SYN2: variants seen among roughly 807,000 people sequenced by gnomAD.
SYN2 encodes synapsin-2.
In SYN2, 19 loss-of-function variants were observed where a neutral mutation model predicts 50.9. The ratio of observed to expected loss-of-function variants is 0.37; its 90% CI spans 0.26 to 0.55. The LOEUF (loss-of-function observed/expected upper bound fraction) is 0.55. SYN2 is among the 20% of genes least tolerant of loss of function. SYN2 has a pLI of 0.81. For synonymous variants in SYN2, 255 were observed against 224.9 expected (o/e 1.13, Z -1.20); for missense variants, 587 against 576.4 (o/e 1.02, Z -0.19).
chr3:12,068,366 C>T (rs1695267340), intron 1 of SYN2, among the ~76,000 whole-genome samples: 1 of 152,298 alleles, frequency 6.6e-6, no homozygotes, highest in African/African-American at 2.4e-5. Flanking sequence ...CACTTTGATT[C>T]CTAATCTTTT....
intron 10 of SYN2, among the ~76,000 whole-genome samples, chr3:12,182,068 A>C (rs972255368): frequency 6.6e-6 from 1 of 152,228 alleles, no homozygotes; most frequent in African/African-American, 2.4e-5. Context: ...AAATCCTCTC[A>C]GTAGAACAGT....
At chr3:12,154,360 C>G (rs1574972095) in intron 5 of SYN2, 2 of 1,614,218 alleles carry the variant, frequency 1.2e-6, no homozygotes, top group East Asian at 4.5e-5. Flanking sequence ...AGTGATGATT[C>G]AGACTTTCCC....
chr3:12,152,615 C>A (rs1036378721), intron 5 of SYN2, among the ~76,000 whole-genome samples: 1 of 152,146 alleles, frequency 6.6e-6, no homozygotes, highest in Non-Finnish European at 1.5e-5. Context: ...TATTTCTCTC[C>A]GGTGCTCTAT....
intron 1 of SYN2, among the ~76,000 whole-genome samples, chr3:12,062,935 T>C (rs1487070901): frequency 1.3e-5 from 2 of 151,972 alleles, no homozygotes; most frequent in African/African-American, 4.8e-5. Context: ...CAAAAAGACA[T>C]GGATGAATCT....
At chr3:12,095,640 C>T (rs1448235180) in intron 1 of SYN2, among the ~76,000 whole-genome samples, 1 of 141,704 alleles carries the variant, frequency 7.1e-6, no homozygotes, top group Non-Finnish European at 1.5e-5. Flanking sequence ...CTTGTTCTGT[C>T]GCCATCATTC....
intron 11 of SYN2, chr3:12,183,611 C>T: frequency 6.9e-7 from 1 of 1,455,446 alleles, no homozygotes. Context: ...GGTTGTTTAC[C>T]TGTTCCTGTT....
intron 1 of SYN2, among the ~76,000 whole-genome samples, chr3:12,100,647 T>A (rs1366846069): frequency 6.6e-6 from 1 of 152,182 alleles, no homozygotes; most frequent in African/African-American, 2.4e-5. Context: ...TGAAATTATG[T>A]TCTTCATGGG....
chr3:12,040,701 T>C (rs1694593043), intron 1 of SYN2, among the ~76,000 whole-genome samples: 1 of 152,154 alleles, frequency 6.6e-6, no homozygotes, highest in African/African-American at 2.4e-5. Flanking sequence ...TTTATAACTT[T>C]CATATATATC....
chr3:12,105,269 T>G (rs1197407870), intron 1 of SYN2, among the ~76,000 whole-genome samples: 1 of 152,048 alleles, frequency 6.6e-6, no homozygotes, highest in African/African-American at 2.4e-5. Context: ...GCAGAACCTT[T>G]TCTTCAGCAT....
rs536589950 is a variant in SYN2 at position 12,004,471 on chromosome 3, C to T, written c.-81C>T. On this transcript the variant is annotated 5_prime_UTR_variant, in exon 1 of 13. Transcript: ENST00000621198. Reference sequence around the variant, plus strand: ...CCGCCGCCTCAGCCGCCTCAGTCGCCTCAATCTCGCCTTCCGCCCTCGCTC... The same window carrying T: ...CCGCCGCCTCAGCCGCCTCAGTCGCTTCAATCTCGCCTTCCGCCCTCGCTC... 5.5e-6 allele frequency: 2 copies of T among 362,850 alleles called. No individual in the cohort carries two copies. The highest frequency in any genetic ancestry group is 4.3e-5 in the Admixed American group (1 of 23,464). 22.5% of individuals were successfully genotyped at this position (362,850 alleles called of 1,614,324 possible).
intron 1 of SYN2, among the ~76,000 whole-genome samples, chr3:12,038,027 T>G (rs1694535708): frequency 6.6e-6 from 1 of 152,220 alleles, no homozygotes; most frequent in Non-Finnish European, 1.5e-5. Flanking sequence ...TCTAATAGTT[T>G]TATAGTTTTA....
At position 12,004,942 on chromosome 3, in the gene SYN2, G is replaced by C. The variant is rs1305216845; in HGVS notation, c.377+14G>C. On this transcript the variant is annotated intron_variant, in intron 1 of 12. Coordinates refer to ENST00000621198, the MANE Select transcript of SYN2 (RefSeq NM_133625.6). ...GCACGCCGACTGGTAGGTGCCGGGC[G>C]CCGCCGCCCTCGGGGGTCGGGGTCC... is the stretch of plus-strand genomic sequence containing the variant. 1 of 525,112 alleles carries C rather than the reference G, an allele frequency of 1.9e-6. No homozygotes were observed. Among genetic ancestry groups the C allele is most frequent in the Admixed American group, 3.8e-5 (1 of 26,450 alleles). 32.5% of individuals were successfully genotyped at this position (525,112 alleles called of 1,614,324 possible).
At chr3:12,174,096 C>A in intron 10 of SYN2, among the ~76,000 whole-genome samples, 1 of 152,106 alleles carries the variant, frequency 6.6e-6, no homozygotes, top group East Asian at 1.9e-4. Flanking sequence ...TCTTGGCCTC[C>A]TTTGCTGATT....
rs1451583655 is a variant in SYN2, at chr3:12,044,191, A to T, written c.377+39263A>T. Among the ~76,000 whole-genome samples the T allele has an allele frequency of 7.3e-4, 94 of 129,008 alleles. 1 individual carries two copies. The highest frequency in any genetic ancestry group is 3.3e-3 in the African/African-American group (83 of 25,010). 84.6% of individuals were successfully genotyped at this position (129,008 alleles called of 152,430 possible). A position where few individuals can be genotyped will look rare whatever the true frequency, so the allele number is the denominator to read the frequency against. On this transcript the variant is annotated intron_variant, in intron 1 of 12. Coordinates refer to ENST00000621198, the MANE Select transcript of SYN2 (RefSeq NM_133625.6). Reference sequence around the variant, plus strand: ...CTCTCTCTCTCTCTCTCACACACACACACACACACACACACACACACACAC... The same window carrying T: ...CTCTCTCTCTCTCTCTCACACACACTCACACACACACACACACACACACAC...
intron 1 of SYN2, among the ~76,000 whole-genome samples, chr3:12,057,784 A>T (rs1205653788): frequency 1.3e-5 from 2 of 152,216 alleles, no homozygotes; most frequent in Non-Finnish European, 2.9e-5. Context: ...GGAAGATTTT[A>T]TGAAAAAATA....
intron 1 of SYN2, among the ~76,000 whole-genome samples, chr3:12,099,938 C>A (rs1253862338): frequency 8.4e-6 from 1 of 118,596 alleles, no homozygotes; most frequent in Non-Finnish European, 1.6e-5. Context: ...GCACTCCAGA[C>A]TGAGCGACAG....
intron 5 of SYN2, chr3:12,154,205 T>C (rs920312554): frequency 2.1e-6 from 3 of 1,433,036 alleles, no homozygotes; most frequent in African/African-American, 2.8e-5. Flanking sequence ...TGCTTTCTCA[T>C]CCCCAACTTC....
intron 5 of SYN2, among the ~76,000 whole-genome samples, chr3:12,152,245 G>A (rs543281231): frequency 1.3e-5 from 2 of 152,312 alleles, no homozygotes; most frequent in African/African-American, 2.4e-5. Flanking sequence ...ACAACCTTGG[G>A]CATTGAAAAG....
intron 1 of SYN2, among the ~76,000 whole-genome samples, chr3:12,137,247 CAAAAA>C (rs551962770): frequency 2.0e-5 from 2 of 97,882 alleles, no homozygotes; most frequent in Admixed American, 1.1e-4. Flanking sequence ...GATCCTGTCT[CAAAAA>C]AAAAAAAAAA....
Sources: allele counts gnomAD v4.1 joint callset (sites outside exome capture counted in the v4.1 genomes callset), GRCh38; gene constraint gnomAD v4.1.1; transcripts MANE v1.5; gene names NCBI Gene and HGNC (gene_info 2026-07-23, HGNC 2026-07-21).